Variants in SEMA6A observed in about 807,000 individuals in gnomAD.
The protein encoded by SEMA6A is semaphorin-6A.
SEMA6A carries 25 observed loss-of-function variants against 96.8 expected under a neutral mutation model. That is an observed-to-expected ratio of 0.26 (90% CI 0.19 to 0.36). The LOEUF is 0.36. Among genes scored for constraint, SEMA6A ranks in the 10% least tolerant of loss-of-function variants. The pLI is 1.00. For synonymous variants in SEMA6A, 612 were observed against 518.0 expected (o/e 1.18, Z -2.46); for missense variants, 1,363 against 1,323.1 (o/e 1.03, Z -0.47).
chr5:116,536,692 G>A (rs1759727605), intron 1 of SEMA6A, among the ~76,000 whole-genome samples: 2 of 152,054 alleles, frequency 1.3e-5, no homozygotes, highest in Admixed American at 6.5e-5. Flanking sequence ...CTTCCACAGA[G>A]GACACTGGCA....
intron 1 of SEMA6A, among the ~76,000 whole-genome samples, chr5:116,509,399 A>G (rs1037523731): frequency 2.6e-5 from 4 of 152,198 alleles, no homozygotes; most frequent in Non-Finnish European, 4.4e-5. Flanking sequence ...TTTTAAAGAT[A>G]ACCAACAATT....
chr5:116,509,107 T>C (rs1304424908), intron 1 of SEMA6A, among the ~76,000 whole-genome samples: 3 of 152,226 alleles, frequency 2.0e-5, no homozygotes, highest in African/African-American at 7.2e-5. Context: ...TCAAGTTGCA[T>C]GGAGGACTTG....
Position 116,491,781 on chromosome 5 carries a change from C to A in SEMA6A, c.494G>T (p.Cys165Phe). Reference protein sequence around the residue: ...FGDEFSGMARCPYDAKHANVA... With the variant: ...FGDEFSGMARFPYDAKHANVA... ...GTTGGCATGTTTGGCATCATATGGG[C>A]ATCTGGCCATTCCGCTGAATTCATC... Residue 165 changes from cysteine to phenylalanine, a missense_variant, in exon 7 of 19, where the codon TGC becomes TTC. Around this residue, in one of 2 missense-constraint regions of SEMA6A, gnomAD observed 480 missense variants for 559.5 expected, o/e 0.86. Transcript: ENST00000343348. The A allele has an allele frequency of 6.2e-7, 1 of 1,613,828 alleles. No homozygotes were observed. Among genetic ancestry groups the A allele is most frequent in the Non-Finnish European group, 8.5e-7 (1 of 1,179,770 alleles).
intron 18 of SEMA6A, among the ~76,000 whole-genome samples, chr5:116,465,120 A>C (rs1755648984): frequency 6.6e-6 from 1 of 152,182 alleles, no homozygotes; most frequent in South Asian, 2.1e-4. Context: ...AAACTCTTGC[A>C]TCCCGGGAGA....
chr5:116,574,281 G>T lies in SEMA6A; in HGVS notation c.-135C>A, dbSNP rs1436256781. 6.6e-6 allele frequency: 1 copy of T among 152,480 alleles called. No homozygotes were observed. The highest frequency in any genetic ancestry group is 2.4e-5 in the African/African-American group (1 of 41,382). 9.4% of individuals were successfully genotyped at this position (152,480 alleles called of 1,614,324 possible). A position where few individuals can be genotyped will look rare whatever the true frequency, so the allele number is the denominator to read the frequency against. On this transcript the variant is annotated 5_prime_UTR_variant, in exon 1 of 19. Coordinates refer to ENST00000343348, the MANE Select transcript of SEMA6A (RefSeq NM_020796.5). ...ATCCATTATCGAGGGGATCTCTCCG[G>T]GCCGCGGGCTGCGCTCTCTCCTTCG... is the stretch of plus-strand genomic sequence containing the variant.
chr5:116,479,314 T>C (rs944238028), intron 12 of SEMA6A, among the ~76,000 whole-genome samples: 2 of 152,184 alleles, frequency 1.3e-5, no homozygotes, highest in African/African-American at 2.4e-5. Flanking sequence ...AGCAATTTGC[T>C]TTCTCTGAAA....
At chr5:116,562,935 G>A (rs1760877461) in intron 1 of SEMA6A, 1 of 583,768 alleles carries the variant, frequency 1.7e-6, no homozygotes, top group Non-Finnish European at 3.2e-6. Context: ...GTATGAAGAT[G>A]GGGTGGATAG....
chr5:116,513,804 G>C (rs971584345), intron 1 of SEMA6A, among the ~76,000 whole-genome samples: 5 of 151,884 alleles, frequency 3.3e-5, no homozygotes, highest in Non-Finnish European at 5.9e-5. Context: ...TGACAGGCCT[G>C]AGTGTGTGCT....
chr5:116,493,692 A>G (rs903022097), intron 6 of SEMA6A, among the ~76,000 whole-genome samples: 1 of 152,100 alleles, frequency 6.6e-6, no homozygotes, highest in Non-Finnish European at 1.5e-5. Flanking sequence ...ACATGCCAAA[A>G]AAAGACAGGG....
intron 10 of SEMA6A, among the ~76,000 whole-genome samples, chr5:116,484,225 G>A (rs966310179): frequency 6.6e-6 from 1 of 152,008 alleles, no homozygotes; most frequent in Non-Finnish European, 1.5e-5. Context: ...AGAAAAATAG[G>A]ATAAATACTA....
At chr5:116,510,868 A>T (rs1048365354) in intron 1 of SEMA6A, among the ~76,000 whole-genome samples, 19 of 152,186 alleles carry the variant, frequency 1.2e-4, no homozygotes, top group Non-Finnish European at 1.9e-4. Flanking sequence ...AAATATAATG[A>T]TGTGGAAAAT....
In SEMA6A at chr5:116,446,931, G is replaced by A. The variant is rs1424190881; in HGVS notation, c.2775C>T (p.Leu925=). 1 of 1,613,966 alleles carries A rather than the reference G, an allele frequency of 6.2e-7. No individual in the cohort carries two copies. Among genetic ancestry groups the A allele is most frequent in the Middle Eastern group, 1.6e-4 (1 of 6,062 alleles). ...GAGTGGTGGCCTGGTGGCTTCTCGT[G>A]AGCGAGTTCGTGGGGTAGCTCCTCT... ...DYKRSYPTNS[L]TRSHQATTLK... The change falls in exon 19 of 19, where the codon CTC becomes CTT. Residue 925 remains leucine (L), a synonymous_variant. Coordinates refer to ENST00000343348, the MANE Select transcript of SEMA6A (RefSeq NM_020796.5).
rs971499741 is a variant in SEMA6A, at chr5:116,487,068, G to A, written c.745-102C>T. 6.8e-6 allele frequency: 5 copies of A among 731,356 alleles called. No homozygotes were observed. In the South Asian group the frequency reaches 7.3e-5, roughly 11 times the overall value. 45.3% of individuals were successfully genotyped at this position (731,356 alleles called of 1,614,324 possible). A position where few individuals can be genotyped will look rare whatever the true frequency, so the allele number is the denominator to read the frequency against. ...GAAAACAGAAACAAAACAACAAGGT[G>A]CTTAATACTGTTTCTAAAATCAGTA... On this transcript the variant is annotated intron_variant, in intron 9 of 18. Transcript: ENST00000343348.
At chr5:116,469,341 T>C (rs1755963150) in intron 17 of SEMA6A, 1 of 152,230 alleles carries the variant, frequency 6.6e-6, no homozygotes, top group African/African-American at 2.4e-5. Flanking sequence ...ACATCTCATG[T>C]CATGATACAG....
At chr5:116,535,157 G>C (rs1437588836) in intron 1 of SEMA6A, among the ~76,000 whole-genome samples, 2 of 152,244 alleles carry the variant, frequency 1.3e-5, no homozygotes, top group Non-Finnish European at 2.9e-5. Flanking sequence ...CTAGCTCAGT[G>C]AGAGGAGCAC....
intron 10 of SEMA6A, 179 bp downstream of exon 10, chr5:116,486,570 A>G (rs1216785790): frequency 3.4e-6 from 2 of 590,358 alleles, no homozygotes; most frequent in Non-Finnish European, 6.1e-6. Context: ...AACCTAACTT[A>G]ATAGTGCTTA....
intron 18 of SEMA6A, among the ~76,000 whole-genome samples, chr5:116,448,734 TG>T (rs1754433055): frequency 7.3e-6 from 1 of 136,226 alleles, no homozygotes; most frequent in African/African-American, 2.8e-5. Context: ...CAAATGTTTG[TG>T]CTGATTTTGC....
chr5:116,489,248 C>T (rs1757212289), intron 7 of SEMA6A, among the ~76,000 whole-genome samples: 1 of 152,104 alleles, frequency 6.6e-6, no homozygotes, highest in Non-Finnish European at 1.5e-5. Context: ...TAAGCGGCAG[C>T]AGCAGCAGCA....
intron 1 of SEMA6A, among the ~76,000 whole-genome samples, chr5:116,523,936 A>T (rs1023994230): frequency 2.6e-5 from 4 of 152,176 alleles, no homozygotes; most frequent in African/African-American, 9.7e-5. Context: ...ATGATTCAAA[A>T]ACCTTTACTT....
Sources: allele counts gnomAD v4.1 joint callset (sites outside exome capture counted in the v4.1 genomes callset), GRCh38; gene constraint gnomAD v4.1.1; regional missense constraint gnomAD v4.1.1; transcripts MANE v1.5; gene names NCBI Gene and HGNC (gene_info 2026-07-23, HGNC 2026-07-21).